KIR3DL2: variants seen among roughly 807,000 people sequenced by gnomAD.
KIR3DL2 encodes the protein killer cell immunoglobulin like receptor, three Ig domains and long cytoplasmic tail 2.
KIR3DL2 carries 42 observed loss-of-function variants against 41.6 expected under a neutral mutation model. The ratio of observed to expected loss-of-function variants is 1.01; its 90% CI spans 0.79 to 1.31. The LOEUF is 1.31. Among genes scored for constraint, KIR3DL2 ranks in the 50% most tolerant of loss-of-function variants. The probability of loss-of-function intolerance (pLI) is 0.00; values close to 1 mark genes in which losing one functional copy is unlikely to be tolerated. For missense variants in KIR3DL2, 728 were observed against 576.8 expected, an observed-to-expected ratio of 1.26 and a Z score of -2.68; for synonymous variants, 230 against 221.3, an observed-to-expected ratio of 1.04 and a Z score of -0.35.
rs757041837 is a variant in KIR3DL2, at chr19:54,855,843, T to A, written c.880T>A (p.Phe294Ile). 8.1e-6 allele frequency: 13 copies of A among 1,613,482 alleles called. No individual in the cohort carries two copies. Among genetic ancestry groups the A allele is most frequent in the Non-Finnish European group, 1.1e-5 (13 of 1,179,952 alleles). ...PATHGGTYRC[F>I]GSFRALPCVW... ...CACCCACGGAGGGACCTACAGATGC[T>A]TCGGCTCTTTCCGTGCCCTGCCCTG... The change falls in exon 5 of 9, where the codon TTC (phenylalanine) becomes ATC (isoleucine). Residue 294 changes from phenylalanine (F) to isoleucine (I), a missense_variant. Phe to Ile is a conservative substitution (Grantham distance 21, BLOSUM62 0). Transcript: ENST00000326321.
chr19:54,859,902 G>A (rs1463936019), intron 6 of KIR3DL2, among the ~76,000 whole-genome samples: 7 of 151,786 alleles, frequency 4.6e-5, no homozygotes, highest in Admixed American at 1.3e-4. Context: ...CTTCCTCAAA[G>A]CCCACAAAGA....
Position 54,866,721 on chromosome 19 carries a change from G to C in KIR3DL2, c.1358G>C (p.Gly453Ala). 1 of 1,613,622 alleles carries C rather than the reference G, an allele frequency of 6.2e-7. No homozygotes were observed. The highest frequency in any genetic ancestry group is 8.5e-7 in the Non-Finnish European group (1 of 1,179,848). ...CPRAPQSGLE[G>A]VF ...CGAGCACCACAGTCAGGTCTTGAGG[G>C]GGTTTTCTAGGGAGACAACAGCCCT... The change falls in exon 9 of 9, where the codon GGG (glycine) becomes GCG (alanine). Residue 453 changes from glycine to alanine, a missense_variant. By Grantham distance (60) the Gly-to-Ala change is moderately conservative. Transcript: ENST00000326321.
At position 54,865,845 on chromosome 19, in the gene KIR3DL2, G is replaced by A; in HGVS notation, c.1041G>A (p.Val347=). Residue 347 remains valine, a synonymous_variant, in exon 7 of 9, where the codon GTG becomes GTA. Coordinates refer to ENST00000326321, the MANE Select transcript of KIR3DL2 (RefSeq NM_006737.4). ...TGCATGTTCTGATTGGGACCTCAGTGGTCATCTTCCTCTTCATCCTCCTCC... is the reference window on the plus strand; with the variant it reads ...TGCATGTTCTGATTGGGACCTCAGTAGTCATCTTCCTCTTCATCCTCCTCC... ...RHLHVLIGTS[V]VIFLFILLLF... is the part of the protein sequence containing the mutation. The A allele has an allele frequency of 6.2e-7, 1 of 1,613,864 alleles. No homozygotes were observed. Among genetic ancestry groups the A allele is most frequent in the East Asian group, 2.2e-5 (1 of 44,870 alleles).
chr19:54,866,370 A>T lies in KIR3DL2; in HGVS notation c.1106A>T (p.Asn369Ile), dbSNP rs768678743. The change falls in exon 8 of 9, where the codon AAT (asparagine) becomes ATT (isoleucine). Residue 369 changes from asparagine (N) to isoleucine (I), a missense_variant and splice_region_variant. Asn to Ile is a moderately radical substitution (Grantham distance 149). Coordinates refer to ENST00000326321, the MANE Select transcript of KIR3DL2 (RefSeq NM_006737.4). ...LLYRWCSNKKNAAVMDQEPAG... is the reference protein window; with the variant it reads ...LLYRWCSNKKIAAVMDQEPAG... ...TTTTGATGACTTCCGTCTCCTACAG[A>T]TGCTGCTGTAATGGACCAAGAGCCT... 3 of 1,613,786 alleles carry T rather than the reference A, an allele frequency of 1.9e-6. No homozygotes were observed. The highest frequency in any genetic ancestry group is 2.7e-5 in the African/African-American group (2 of 74,884).
chr19:54,853,637 A>C, intron 3 of KIR3DL2, 110 bp from the exon 4 acceptor site: 1 of 1,269,162 alleles, frequency 7.9e-7, no homozygotes, highest in African/African-American at 1.5e-5. Context: ...GGAGACACAG[A>C]GAGGGAGGAG....
chr19:54,853,943 CT>C lies in KIR3DL2; in HGVS notation c.554del (p.Leu185Ter). On this transcript the variant is annotated frameshift_variant, in exon 4 of 9. Transcript: ENST00000326321. LOFTEE classifies it high-confidence loss of function. ...VSKANFSIGP[L>X]MPVLAGTYRC... Reference sequence around the variant, plus strand: ...CCAAGGCCAACTTCTCCATCGGTCCCTTGATGCCTGTCCTTGCAGGAACCTA... The same window carrying C: ...CCAAGGCCAACTTCTCCATCGGTCCCTGATGCCTGTCCTTGCAGGAACCTA... 1 of 1,613,454 alleles carries C rather than the reference CT, an allele frequency of 6.2e-7. No homozygotes were observed. The highest frequency in any genetic ancestry group is 1.7e-5 in the Admixed American group (1 of 60,006).
Position 54,866,783 on chromosome 19 carries a change from A to G in KIR3DL2, c.*52A>G, listed in dbSNP as rs2065564343. 2 of 1,581,612 alleles carry G rather than the reference A, an allele frequency of 1.3e-6. No individual in the cohort carries two copies. The highest frequency in any genetic ancestry group is 1.7e-6 in the Non-Finnish European group (2 of 1,152,680). ...AGGTTGCCAGATCCAATGAACCAGC[A>G]GCTGGAATCTGAAGGCATCAGTCTG... On this transcript the variant is annotated 3_prime_UTR_variant, in exon 9 of 9. Coordinates refer to ENST00000326321, the MANE Select transcript of KIR3DL2 (RefSeq NM_006737.4).
At position 54,855,602 on chromosome 19, in the gene KIR3DL2, G is replaced by A. The variant is rs1319663759; in HGVS notation, c.656-17G>A. ...AAGGAAGAACCTCCCTGAGGAAACT[G>A]CCTCTTCTCCTTCCAGGTCTATATG... is the stretch of plus-strand genomic sequence containing the variant. On this transcript the variant is annotated splice_polypyrimidine_tract_variant and intron_variant, in intron 4 of 8. Transcript: ENST00000326321. The A allele has an allele frequency of 6.2e-7, 1 of 1,608,592 alleles. No individual in the cohort carries two copies. The highest frequency in any genetic ancestry group is 2.2e-5 in the East Asian group (1 of 44,852).
Position 54,853,963 on chromosome 19 carries a change from G to T in KIR3DL2, c.572G>T (p.Gly191Val). 3 of 1,613,336 alleles carry T rather than the reference G, an allele frequency of 1.9e-6. No homozygotes were observed. Among genetic ancestry groups the T allele is most frequent in the Non-Finnish European group, 2.5e-6 (3 of 1,179,876 alleles). The change falls in exon 4 of 9, where the codon GGA becomes GTA. Residue 191 changes from glycine (G) to valine (V), a missense_variant. Transcript: ENST00000326321. ...GGTCCCTTGATGCCTGTCCTTGCAG[G>T]AACCTACAGATGTTATGGTTCTGTT... is the stretch of plus-strand genomic sequence containing the variant. ...SIGPLMPVLAGTYRCYGSVPH... is the reference protein window; with the variant it reads ...SIGPLMPVLAVTYRCYGSVPH...
intron 4 of KIR3DL2, 69 bp from the exon 5 acceptor site, chr19:54,855,550 C>A: frequency 1.3e-6 from 2 of 1,569,764 alleles, no homozygotes; most frequent in Non-Finnish European, 1.7e-6. Context: ...AGTGAGTTCT[C>A]AGCTCAGGTA....
At chr19:54,860,710 A>C (rs1252327073) in intron 6 of KIR3DL2, among the ~76,000 whole-genome samples, 1 of 150,604 alleles carries the variant, frequency 6.6e-6, no homozygotes, top group African/African-American at 2.4e-5. Context: ...TGCTGAGTGT[A>C]TTATTTCAGG....
chr19:54,866,974 G>A lies in KIR3DL2; in HGVS notation c.*243G>A, dbSNP rs140917466. ...CCTGCCCACCTCTCCAACCTAACTG[G>A]CTTACTTCCTAGTCCTACTTGAGGC... On this transcript the variant is annotated 3_prime_UTR_variant, in exon 9 of 9. Transcript: ENST00000326321. The A allele has an allele frequency of 2.9e-3, 1,617 of 567,132 alleles. 24 individuals are homozygous for A. Among genetic ancestry groups the A allele is most frequent in the African/African-American group, 0.026 (1,385 of 52,968 alleles). The allele number at this position is 567,132 out of a possible 1,614,324, so 35.1% of individuals were successfully genotyped here.
chr19:54,866,352 G>T lies in KIR3DL2; in HGVS notation c.1106-18G>T, dbSNP rs558678283. 2.5e-6 allele frequency: 4 copies of T among 1,613,880 alleles called. No individual in the cohort carries two copies. The South Asian group carries it at 4.4e-5, about 18-fold the overall frequency. The stretch of plus-strand genomic sequence containing the variant: ...GAAGGGCCCTCCAAGCGGTTTTGAT[G>T]ACTTCCGTCTCCTACAGATGCTGCT... On this transcript the variant is annotated intron_variant, in intron 7 of 8. Coordinates refer to ENST00000326321, the MANE Select transcript of KIR3DL2 (RefSeq NM_006737.4).
At chr19:54,865,714 C>A (rs766869549) in intron 6 of KIR3DL2, 91 bp from the exon 7 acceptor site, 14 of 1,054,660 alleles carry the variant, frequency 1.3e-5, no homozygotes, top group Non-Finnish European at 1.9e-5. Flanking sequence ...AGGAGATGTT[C>A]CATGTGGTTA....
chr19:54,852,652 T>C (rs1320788870), intron 3 of KIR3DL2, among the ~76,000 whole-genome samples: 2 of 150,798 alleles, frequency 1.3e-5, no homozygotes, highest in South Asian at 2.1e-4. Context: ...TAGAGCAGTG[T>C]AGTGGGAGGG....
intron 6 of KIR3DL2, among the ~76,000 whole-genome samples, chr19:54,860,663 C>T (rs548531255): frequency 7.2e-4 from 109 of 151,894 alleles, no homozygotes; most frequent in African/African-American, 2.0e-3. Context: ...GCATGAGCCA[C>T]GGGGCCAAGC....
chr19:54,864,442 T>G (rs1314990749), intron 6 of KIR3DL2, among the ~76,000 whole-genome samples: 7 of 152,152 alleles, frequency 4.6e-5, no homozygotes, highest in Non-Finnish European at 1.0e-4. Context: ...ATAAATTACC[T>G]TGGGCAGTAT....
chr19:54,856,524 G>A (rs1037965570), intron 5 of KIR3DL2, among the ~76,000 whole-genome samples: 36 of 151,466 alleles, frequency 2.4e-4, no homozygotes, highest in Non-Finnish European at 4.9e-4. Context: ...TTACTAAACA[G>A]ACAAGAAAAA....
chr19:54,851,797 T>A (rs1287186125), intron 2 of KIR3DL2, among the ~76,000 whole-genome samples: 1 of 151,116 alleles, frequency 6.6e-6, no homozygotes. Context: ...GAGTCACTTA[T>A]TCAGCACTTG....
Sources: allele counts gnomAD v4.1 joint callset (sites outside exome capture counted in the v4.1 genomes callset), GRCh38; gene constraint gnomAD v4.1.1; transcripts MANE v1.5; gene names NCBI Gene and HGNC (gene_info 2026-07-23, HGNC 2026-07-21).